ASIC2: variants seen among roughly 807,000 people sequenced by gnomAD.
ASIC2 encodes the protein acid sensing ion channel subunit 2, also known as acid-sensing ion channel 2.
Under a neutral mutation model 57.3 loss-of-function variants are expected in ASIC2, and 25 were observed. The ratio of observed to expected loss-of-function variants is 0.44; its 90% CI spans 0.32 to 0.61. The LOEUF is 0.61. Among genes scored for constraint, ASIC2 ranks in the 20% least tolerant of loss-of-function variants. The probability of loss-of-function intolerance (pLI) is 0.06; values close to 1 mark genes in which losing one functional copy is unlikely to be tolerated. For missense variants in ASIC2, 641 were observed against 738.1 expected (o/e 0.87, Z 1.52); for synonymous variants, 319 against 307.5 (o/e 1.04, Z -0.39).
At chr17:33,114,020 G>T (rs552700130) in intron 1 of ASIC2, among the ~76,000 whole-genome samples, 1 of 152,192 alleles carries the variant, frequency 6.6e-6, no homozygotes, top group Non-Finnish European at 1.5e-5. Flanking sequence ...TATGTGCAAG[G>T]ATTATGGGGA....
intron 1 of ASIC2, among the ~76,000 whole-genome samples, chr17:33,767,838 G>A (rs1268244707): frequency 1.3e-5 from 2 of 152,110 alleles, no homozygotes; most frequent in African/African-American, 4.8e-5. Context: ...CTTTGCTATA[G>A]GAGGTGAATT....
At chr17:33,716,120 A>G (rs568588015) in intron 1 of ASIC2, among the ~76,000 whole-genome samples, 2 of 152,328 alleles carry the variant, frequency 1.3e-5, no homozygotes, top group African/African-American at 4.8e-5. Flanking sequence ...CTCACAGTCC[A>G]GGAATCCAAG....
intron 1 of ASIC2, among the ~76,000 whole-genome samples, chr17:33,546,964 T>C (rs996217958): frequency 1.4e-4 from 22 of 152,098 alleles, no homozygotes; most frequent in African/African-American, 4.6e-4. Context: ...TCCTATTTCA[T>C]CTGCTGGCTG....
chr17:33,818,191 A>C (rs1185938746), intron 1 of ASIC2, among the ~76,000 whole-genome samples: 2 of 152,206 alleles, frequency 1.3e-5, no homozygotes, highest in Admixed American at 6.5e-5. Context: ...GCATGTGGGA[A>C]GGGAAAAACA....
chr17:34,045,072 G>C (rs1321900164), intron 1 of ASIC2, among the ~76,000 whole-genome samples: 1 of 152,104 alleles, frequency 6.6e-6, no homozygotes, highest in East Asian at 1.9e-4. Flanking sequence ...TGAGACCAGG[G>C]GTTGGGAGGA....
chr17:33,825,790 A>G (rs1219911314), intron 1 of ASIC2, among the ~76,000 whole-genome samples: 1 of 152,220 alleles, frequency 6.6e-6, no homozygotes. Context: ...TTTAATCCCT[A>G]AAAGAAGCTG....
At chr17:33,900,064 A>G (rs1470587891) in intron 1 of ASIC2, among the ~76,000 whole-genome samples, 1 of 152,256 alleles carries the variant, frequency 6.6e-6, no homozygotes. Context: ...TGGTGATCAC[A>G]CATTTCAAAA....
chr17:34,110,273 TTC>T (rs1337420170), intron 1 of ASIC2, among the ~76,000 whole-genome samples: 1 of 152,204 alleles, frequency 6.6e-6, no homozygotes, highest in Non-Finnish European at 1.5e-5. Flanking sequence ...AACCACTTTT[TTC>T]TCTCTTTCTG....
At chr17:33,529,108 G>C (rs1465442919) in intron 1 of ASIC2, among the ~76,000 whole-genome samples, 1 of 152,224 alleles carries the variant, frequency 6.6e-6, no homozygotes, top group Non-Finnish European at 1.5e-5. Context: ...AACTGGCTGG[G>C]GGCTCCCACA....
intron 1 of ASIC2, among the ~76,000 whole-genome samples, chr17:33,385,004 A>G (rs947112243): frequency 2.0e-5 from 3 of 152,050 alleles, no homozygotes; most frequent in African/African-American, 7.2e-5. Context: ...TCCAAATTCC[A>G]TTTCTCTCCT....
chr17:33,964,128 T>A (rs966977224), intron 1 of ASIC2, among the ~76,000 whole-genome samples: 4 of 152,228 alleles, frequency 2.6e-5, no homozygotes, highest in African/African-American at 4.8e-5. Context: ...AGGTGAGGCT[T>A]CAGAATCTGT....
At chr17:33,918,713 T>C (rs1175358081) in intron 1 of ASIC2, among the ~76,000 whole-genome samples, 2 of 152,138 alleles carry the variant, frequency 1.3e-5, no homozygotes, top group Non-Finnish European at 2.9e-5. Flanking sequence ...ATGGAAGCTG[T>C]TAAGGAAACA....
intron 1 of ASIC2, among the ~76,000 whole-genome samples, chr17:34,060,960 G>A (rs940616288): frequency 9.2e-5 from 14 of 152,092 alleles, no homozygotes; most frequent in Non-Finnish European, 1.5e-4. Flanking sequence ...CTGGCCTTGC[G>A]AAAGACCTAG....
chr17:33,231,400 C>CT (rs1908085118), intron 1 of ASIC2, among the ~76,000 whole-genome samples: 1 of 152,184 alleles, frequency 6.6e-6, no homozygotes, highest in Non-Finnish European at 1.5e-5. Flanking sequence ...GGCTCAAGGA[C>CT]TGCTCATGCT....
chr17:33,562,312 C>T (rs754846934), intron 1 of ASIC2, among the ~76,000 whole-genome samples: 8 of 152,114 alleles, frequency 5.3e-5, no homozygotes, highest in Admixed American at 2.6e-4. Context: ...TTATCTCTGT[C>T]GCTTTCTGGT....
intron 1 of ASIC2, among the ~76,000 whole-genome samples, chr17:33,906,618 T>G (rs968785934): frequency 6.6e-6 from 1 of 152,218 alleles, no homozygotes; most frequent in African/African-American, 2.4e-5. Context: ...AGTATATTCA[T>G]GCTGTTAACA....
At chr17:33,196,317 C>T (rs404325) in intron 1 of ASIC2, among the ~76,000 whole-genome samples, 8 of 151,004 alleles carry the variant, frequency 5.3e-5, no homozygotes, top group African/African-American at 1.2e-4. Context: ...ATGATGATGA[C>T]GATGATGATG....
chr17:33,619,893 T>TA (rs1235434063), intron 1 of ASIC2, among the ~76,000 whole-genome samples: 2 of 152,194 alleles, frequency 1.3e-5, no homozygotes, highest in Non-Finnish European at 2.9e-5. Flanking sequence ...GGTGACATTT[T>TA]AACAACGCAT....
intron 1 of ASIC2, among the ~76,000 whole-genome samples, chr17:33,382,080 A>T (rs1282115731): frequency 6.6e-6 from 1 of 152,084 alleles, no homozygotes; most frequent in East Asian, 1.9e-4. Context: ...TACTGTGCTC[A>T]TATTGTTGTG....
Sources: allele counts gnomAD v4.1 joint callset (sites outside exome capture counted in the v4.1 genomes callset), GRCh38; gene constraint gnomAD v4.1.1; transcripts MANE v1.5; gene names NCBI Gene and HGNC (gene_info 2026-07-23, HGNC 2026-07-21).